The following KIN variants were observed in gnomAD, a reference collection of about 807,000 sequenced individuals.
KIN encodes DNA/RNA-binding protein KIN17.
KIN carries 47 observed loss-of-function variants against 63.0 expected under a neutral mutation model. The ratio of observed to expected loss-of-function variants is 0.75; its 90% CI spans 0.59 to 0.95. The LOEUF (loss-of-function observed/expected upper bound fraction) is 0.95, where lower values mean the gene tolerates loss of function less well. Ranked by LOEUF, KIN falls within the 40% of genes least tolerant of loss-of-function variation. The probability of loss-of-function intolerance (pLI) is 0.00; values close to 1 mark genes in which losing one functional copy is unlikely to be tolerated. For synonymous variants in KIN, 160 were observed against 157.7 expected (o/e 1.01, Z -0.11); for missense variants, 408 against 460.9 (o/e 0.89, Z 1.05).
At chr10:7,775,684 C>T in intron 6 of KIN, 67 bp downstream of exon 6, 1 of 791,494 alleles carries the variant, frequency 1.3e-6, no homozygotes, top group Non-Finnish European at 2.0e-6. Flanking sequence ...TGACAAGTTG[C>T]ATTTTTAACA....
chr10:7,779,908 G>A (rs954653431), intron 4 of KIN, 148 bp downstream of exon 4: 28 of 692,704 alleles, frequency 4.0e-5, no homozygotes, highest in Non-Finnish European at 6.2e-5. Context: ...ACTTAAGGCA[G>A]AAATTATGCT....
At chr10:7,770,051 C>T (rs112888345) in intron 7 of KIN, among the ~76,000 whole-genome samples, 26 of 152,280 alleles carry the variant, frequency 1.7e-4, no homozygotes, top group African/African-American at 6.3e-4. Context: ...GTGCCTCAGC[C>T]TCCCAAGTAG....
At chr10:7,775,957 G>A (rs1016866925) in intron 5 of KIN, among the ~76,000 whole-genome samples, 158 bp from the exon 6 acceptor site, 6 of 152,080 alleles carry the variant, frequency 3.9e-5, no homozygotes, top group South Asian at 4.1e-4. Flanking sequence ...GGCCAGGCGC[G>A]GTGGCTCACA....
In KIN at chr10:7,759,946, C is replaced by T. The variant is rs1444046056; in HGVS notation, c.1063G>A (p.Gly355Ser). Residue 355 changes from glycine (G) to serine (S), a missense_variant, in exon 12 of 13, where the codon GGT becomes AGT. Around this residue, in one of 2 missense-constraint regions of KIN, gnomAD observed 298 missense variants for 296.0 expected, o/e 1.01. Coordinates refer to ENST00000379562, the MANE Select transcript of KIN (RefSeq NM_012311.4). ...TTCTCATTGATGGATTCTAGGGTAC[C>T]TTCATTTCCTCTGTAGCCTCCATTT... ...VLNGGYRGNE[G>S]TLESINEKTF... The T allele has an allele frequency of 2.6e-6, 4 of 1,565,452 alleles. No homozygotes were observed. The highest frequency in any genetic ancestry group is 2.8e-5 in the African/African-American group (2 of 72,546).
intron 5 of KIN, 146 bp downstream of exon 5, chr10:7,778,692 T>C (rs1400417932): frequency 2.5e-6 from 2 of 796,218 alleles, no homozygotes; most frequent in African/African-American, 1.7e-5. Context: ...TGAGCTGAGA[T>C]TGCGCTACTG....
chr10:7,762,549 A>G lies in KIN; in HGVS notation c.926T>C (p.Ile309Thr), dbSNP rs1256331165. ...HKKKAIVKEV[I>T]DKYTAVVKMI... is the part of the protein sequence containing the mutation. ...CTTCACAACAGCTGTATATTTGTCA[A>G]TTACTTCCTGTCATGTAAAATGAAC... The change falls in exon 11 of 13, where the codon ATT (isoleucine) becomes ACT (threonine). Residue 309 changes from isoleucine to threonine, a missense_variant. By Grantham distance (89) the Ile-to-Thr change is moderately conservative. Coordinates refer to ENST00000379562, the MANE Select transcript of KIN (RefSeq NM_012311.4). 4 of 1,595,956 alleles carry G rather than the reference A, an allele frequency of 2.5e-6. No homozygotes were observed. The highest frequency in any genetic ancestry group is 1.1e-5 in the South Asian group (1 of 89,684).
chr10:7,751,893 G>A lies in KIN; in HGVS notation c.*4187C>T, dbSNP rs1335272090. On this transcript the variant is annotated 3_prime_UTR_variant, in exon 13 of 13. Transcript: ENST00000379562. ...TACTAAAAATACAAAAAATTAGCCGGGCGCGGTGGCGGGCGCCTGTAGTCC... is the reference window on the plus strand; with the variant it reads ...TACTAAAAATACAAAAAATTAGCCGAGCGCGGTGGCGGGCGCCTGTAGTCC... The A allele has an allele frequency of 7.7e-3, 14 of 1,828 alleles. 6 individuals carry two copies. The East Asian group carries it at 0.33, about 44-fold the overall frequency. 0.1% of individuals were successfully genotyped at this position (1,828 alleles called of 1,614,324 possible). A position where few individuals can be genotyped will look rare whatever the true frequency, so the allele number is the denominator to read the frequency against.
chr10:7,770,040 C>T (rs112631733), intron 7 of KIN, among the ~76,000 whole-genome samples: 28,930 of 152,074 alleles, frequency 0.19, 2,960 homozygotes, highest in Admixed American at 0.25. Context: ...AAGCGATTCT[C>T]GTGCCTCAGC....
rs757336239 is a variant in KIN at position 7,756,051 on chromosome 10, T to A, written c.*29A>T. ...GAACACCAATTTGATGCTTTAAGATTTTAATGTATTGTTAACAAATTTTCA... is the reference window on the plus strand; with the variant it reads ...GAACACCAATTTGATGCTTTAAGATATTAATGTATTGTTAACAAATTTTCA... On this transcript the variant is annotated 3_prime_UTR_variant, in exon 13 of 13. Transcript: ENST00000379562. 2.2e-6 allele frequency: 3 copies of A among 1,368,702 alleles called. No homozygotes were observed. Among genetic ancestry groups the A allele is most frequent in the Non-Finnish European group, 3.1e-6 (3 of 973,808 alleles). The allele number at this position is 1,368,702 out of a possible 1,614,324, so 84.8% of individuals were successfully genotyped here.
chr10:7,769,016 C>CA (rs1564318478), intron 8 of KIN, among the ~76,000 whole-genome samples, 200 bp downstream of exon 8: 1 of 151,820 alleles, frequency 6.6e-6, no homozygotes, highest in Non-Finnish European at 1.5e-5. Context: ...GACTCCATCT[C>CA]AAAAAAATAA....
intron 12 of KIN, among the ~76,000 whole-genome samples, chr10:7,758,151 C>A (rs539493349): frequency 1.3e-5 from 2 of 150,848 alleles, no homozygotes; most frequent in East Asian, 3.9e-4. Flanking sequence ...TGGCTCACTG[C>A]AATCTCTGCC....
Position 7,774,844 on chromosome 10 carries a change from A to G in KIN, c.655T>C (p.Ser219Pro), listed in dbSNP as rs754778457. 1 of 1,613,268 alleles carries G rather than the reference A, an allele frequency of 6.2e-7. No individual in the cohort carries two copies. The highest frequency in any genetic ancestry group is 2.2e-5 in the East Asian group (1 of 44,874). The change falls in exon 7 of 13, where the codon TCT becomes CCT. Residue 219 changes from serine to proline, a missense_variant. Around this residue, in one of 2 missense-constraint regions of KIN, gnomAD observed 298 missense variants for 296.0 expected, o/e 1.01. Transcript: ENST00000379562. ...GATGCAGCTCACCTTGACTTGGAAG[A>G]TGTTGCTCCGGATGAGCTACATGCT... ...KGACSSSGAT[S>P]SKSSTLGPSA... is the part of the protein sequence containing the mutation.
chr10:7,768,576 C>T (rs11814428), intron 8 of KIN, among the ~76,000 whole-genome samples: 8,758 of 151,834 alleles, frequency 0.058, 856 homozygotes, highest in African/African-American at 0.2. Context: ...CTCGTGCTCG[C>T]TAGGAGGTGC....
rs777299679 is a variant in KIN at position 7,769,396 on chromosome 10, T to C, written c.669-51A>G. 4 of 1,550,578 alleles carry C rather than the reference T, an allele frequency of 2.6e-6. No individual in the cohort carries two copies. In the South Asian group the frequency reaches 4.8e-5, roughly 18 times the overall value. ...TTACCAAGAACCATACACAGACGAA[T>C]GCTTTACGATGTGCAAAATTCACAA... On this transcript the variant is annotated intron_variant, in intron 7 of 12. Coordinates refer to ENST00000379562, the MANE Select transcript of KIN (RefSeq NM_012311.4).
intron 1 of KIN, among the ~76,000 whole-genome samples, chr10:7,786,191 G>A (rs979426146): frequency 6.6e-6 from 1 of 152,156 alleles, no homozygotes; most frequent in African/African-American, 2.4e-5. Context: ...TATTGCTTTT[G>A]ATCGAATCTT....
intron 1 of KIN, among the ~76,000 whole-genome samples, chr10:7,786,503 G>A (rs564442493): frequency 6.6e-5 from 10 of 152,048 alleles, no homozygotes; most frequent in Non-Finnish European, 1.2e-4. Flanking sequence ...TAACCCCCAA[G>A]GGAATGGAAT....
At position 7,751,289 on chromosome 10, in the gene KIN, G is replaced by C. The variant is rs1484710357; in HGVS notation, c.*4791C>G. The C allele has an allele frequency of 6.6e-6, 1 of 152,122 alleles. No individual in the cohort carries two copies. The highest frequency in any genetic ancestry group is 1.9e-4 in the East Asian group (1 of 5,200). The allele number at this position is 152,122 out of a possible 1,614,324, so 9.4% of individuals were successfully genotyped here. On this transcript the variant is annotated 3_prime_UTR_variant, in exon 13 of 13. Coordinates refer to ENST00000379562, the MANE Select transcript of KIN (RefSeq NM_012311.4). ...TTATGAATCTTCCTTTCCATAATCT[G>C]GTAAAAATCATTTTTCATTGTAGAG...
In KIN at chr10:7,753,987, T is replaced by G; in HGVS notation, c.*2093A>C. 2.2e-6 allele frequency: 1 copy of G among 455,496 alleles called. No individual in the cohort carries two copies. The highest frequency in any genetic ancestry group is 4.4e-6 in the Non-Finnish European group (1 of 226,570). 28.2% of individuals were successfully genotyped at this position (455,496 alleles called of 1,614,324 possible). On this transcript the variant is annotated 3_prime_UTR_variant, in exon 13 of 13. Coordinates refer to ENST00000379562, the MANE Select transcript of KIN (RefSeq NM_012311.4). ...CGTCAGCTTATACCCATCCTCATGT[T>G]TGAAGTGATCATCCTGGTATGGTCT...
At chr10:7,775,009 A>G in intron 6 of KIN, 118 bp from the exon 7 acceptor site, 1 of 732,954 alleles carries the variant, frequency 1.4e-6, no homozygotes, top group African/African-American at 1.8e-5. Context: ...AATAAACGAG[A>G]GCTAAAATGT....
Sources: gnomAD v4.1 joint callset for allele counts (sites outside exome capture counted in the v4.1 genomes callset) on GRCh38, gnomAD v4.1.1 for gene constraint, gnomAD v4.1.1 regional missense constraint, MANE v1.5 for transcripts, NCBI Gene and HGNC (gene_info 2026-07-23, HGNC 2026-07-21) for gene names.